The following TYW1 variants were observed in gnomAD, a reference collection of about 807,000 sequenced individuals.
TYW1 encodes the protein tRNA-yW synthesizing protein 1 homolog.
A neutral mutation model predicts 96.2 loss-of-function variants in TYW1; 46 were observed. The observed-to-expected ratio is 0.48, with a 90% CI of 0.38 to 0.61. TYW1 has a LOEUF of 0.61. Among genes scored for constraint, TYW1 ranks in the 20% least tolerant of loss-of-function variants. TYW1 has a pLI of 0.00. For missense variants in TYW1, 684 were observed against 909.6 expected, an observed-to-expected ratio of 0.75 and a Z score of 3.19; for synonymous variants, 274 against 323.0, an observed-to-expected ratio of 0.85 and a Z score of 1.63.
chr7:67,026,293 G>A (rs1168951136), intron 7 of TYW1, among the ~76,000 whole-genome samples: 6 of 152,038 alleles, frequency 3.9e-5, no homozygotes, highest in Non-Finnish European at 8.8e-5. Flanking sequence ...GGCTGGTCTC[G>A]AACTCCTGAC....
chr7:67,025,666 C>A (rs1455682671), intron 7 of TYW1, among the ~76,000 whole-genome samples: 1 of 152,032 alleles, frequency 6.6e-6, no homozygotes, highest in Non-Finnish European at 1.5e-5. Context: ...CCAGGAAATA[C>A]CAATCTGGGA....
At chr7:67,227,418 G>A (rs1417546661) in intron 15 of TYW1, among the ~76,000 whole-genome samples, 11 of 152,144 alleles carry the variant, frequency 7.2e-5, no homozygotes, top group East Asian at 3.9e-4. Context: ...CACCACACCC[G>A]GCTAATTTTT....
chr7:67,001,260 T>C (rs1316168768), intron 3 of TYW1, among the ~76,000 whole-genome samples: 2 of 152,192 alleles, frequency 1.3e-5, no homozygotes, highest in Admixed American at 6.5e-5. Context: ...ACAAAAGTTA[T>C]TGGCTCTTTA....
intron 11 of TYW1, among the ~76,000 whole-genome samples, chr7:67,092,778 G>T (rs1796768728): frequency 1.3e-5 from 2 of 149,800 alleles, no homozygotes; most frequent in Admixed American, 6.7e-5. Context: ...CGCCTCCTGG[G>T]TTCAAGCAAT....
At chr7:67,115,543 C>T (rs1222384524) in intron 12 of TYW1, among the ~76,000 whole-genome samples, 1 of 152,174 alleles carries the variant, frequency 6.6e-6, no homozygotes, top group Non-Finnish European at 1.5e-5. Context: ...GAACAGAAGT[C>T]TAGACACTTG....
intron 13 of TYW1, among the ~76,000 whole-genome samples, chr7:67,157,845 A>G (rs1190884767): frequency 6.6e-6 from 1 of 152,136 alleles, no homozygotes; most frequent in African/African-American, 2.4e-5. Context: ...TTTTCTTGTG[A>G]TGAAATCGTG....
intron 10 of TYW1, among the ~76,000 whole-genome samples, chr7:67,067,837 T>C (rs1795912691): frequency 6.6e-6 from 1 of 152,126 alleles, no homozygotes; most frequent in African/African-American, 2.4e-5. Flanking sequence ...GCTTTTCAGT[T>C]TATCTTGCTG....
chr7:67,058,556 C>T (rs1370183270), intron 9 of TYW1, among the ~76,000 whole-genome samples: 1 of 152,082 alleles, frequency 6.6e-6, no homozygotes, highest in Non-Finnish European at 1.5e-5. Context: ...AATTTCGGCT[C>T]ACTGCAGCCT....
chr7:67,227,675 A>C (rs553607259), intron 15 of TYW1, among the ~76,000 whole-genome samples: 1 of 152,066 alleles, frequency 6.6e-6, no homozygotes, highest in East Asian at 1.9e-4. Flanking sequence ...GTAGCAGTCA[A>C]CTGTGTCTAG....
intron 7 of TYW1, among the ~76,000 whole-genome samples, chr7:67,041,481 G>A (rs1429814805): frequency 1.3e-5 from 2 of 152,066 alleles, no homozygotes; most frequent in African/African-American, 2.4e-5. Flanking sequence ...TGTATTTTTA[G>A]TAGAGACAGT....
At chr7:67,179,896 G>C (rs1666840722) in intron 13 of TYW1, among the ~76,000 whole-genome samples, 1 of 115,434 alleles carries the variant, frequency 8.7e-6, no homozygotes, top group South Asian at 2.9e-4. Flanking sequence ...ACAGGGTCTT[G>C]CTGTGTCACC....
At chr7:67,165,684 C>A (rs1584642804) in intron 13 of TYW1, among the ~76,000 whole-genome samples, 1 of 152,058 alleles carries the variant, frequency 6.6e-6, no homozygotes, top group Non-Finnish European at 1.5e-5. Context: ...TCCCAGCACT[C>A]TGGGAGGCCG....
intron 13 of TYW1, among the ~76,000 whole-genome samples, chr7:67,174,930 A>G (rs1034544965): frequency 6.6e-6 from 1 of 152,080 alleles, no homozygotes; most frequent in African/African-American, 2.4e-5. Flanking sequence ...AAATTCCTAG[A>G]AAATGAAGCT....
intron 11 of TYW1, among the ~76,000 whole-genome samples, chr7:67,087,685 A>C (rs1796591200): frequency 6.6e-6 from 1 of 152,120 alleles, no homozygotes; most frequent in African/African-American, 2.4e-5. Context: ...ATTTGCTGGA[A>C]GGGTTTTCAG....
At position 67,097,858 on chromosome 7, in the gene TYW1, A is replaced by AT. The variant is rs35746199; in HGVS notation, c.1385-668dup. On this transcript the variant is annotated intron_variant, in intron 11 of 15. Transcript: ENST00000359626. Reference sequence around the variant, plus strand: ...CAGACATGTGCCACCATGCCCAGCTATTTTTTTTTTTTTTTAATTTTTAGT... The same window carrying AT: ...CAGACATGTGCCACCATGCCCAGCTATTTTTTTTTTTTTTTTAATTTTTAGT... Among the ~76,000 whole-genome samples, 388 of 140,602 alleles carry AT rather than the reference A, an allele frequency of 2.8e-3. 4 individuals are homozygous for AT. Among genetic ancestry groups the AT allele is most frequent in the Middle Eastern group, 0.011 (3 of 274 alleles). The allele number at this position is 140,602 out of a possible 152,430, so 92.2% of individuals were successfully genotyped here.
intron 13 of TYW1, among the ~76,000 whole-genome samples, chr7:67,146,287 T>C (rs1267670742): frequency 5.9e-5 from 9 of 152,154 alleles, no homozygotes; most frequent in Admixed American, 5.9e-4. Flanking sequence ...GATGCCTTCT[T>C]ATGTTTGCAT....
At chr7:67,142,846 A>G (rs1342995425) in intron 13 of TYW1, among the ~76,000 whole-genome samples, 2 of 152,058 alleles carry the variant, frequency 1.3e-5, no homozygotes, top group East Asian at 3.9e-4. Flanking sequence ...GAGGTCAGGA[A>G]TTCGAGAGCA....
At chr7:67,098,124 T>C (rs1261968759) in intron 11 of TYW1, among the ~76,000 whole-genome samples, 5 of 152,206 alleles carry the variant, frequency 3.3e-5, no homozygotes, top group African/African-American at 7.2e-5. Flanking sequence ...TATACAGCTT[T>C]GGACCAACTA....
At position 67,180,603 on chromosome 7, in the gene TYW1, T is replaced by C. The variant is rs963359283; in HGVS notation, c.1699-2523T>C. On this transcript the variant is annotated intron_variant, in intron 13 of 15. Coordinates refer to ENST00000359626, the MANE Select transcript of TYW1 (RefSeq NM_018264.4). The stretch of plus-strand genomic sequence containing the variant: ...GTGTTTTTTAAGAAAGAGCAGAAAT[T>C]CTTCTGTTAGTCCAACTAAATAGAA... Among the ~76,000 whole-genome samples, 40 of 148,940 alleles carry C rather than the reference T, an allele frequency of 2.7e-4. 1 individual carries two copies. Among genetic ancestry groups the C allele is most frequent in the African/African-American group, 9.8e-4 (39 of 39,626 alleles).
Sources: gnomAD v4.1 joint callset for allele counts (sites outside exome capture counted in the v4.1 genomes callset) on GRCh38, gnomAD v4.1.1 for gene constraint, MANE v1.5 for transcripts, NCBI Gene and HGNC (gene_info 2026-07-23, HGNC 2026-07-21) for gene names.